Variants in SPAG16 observed in about 807,000 individuals in gnomAD.
SPAG16 encodes the protein sperm-associated antigen 16 protein.
A neutral mutation model predicts 80.4 loss-of-function variants in SPAG16; 86 were observed. The ratio of observed to expected loss-of-function variants is 1.07; its 90% CI spans 0.90 to 1.28. SPAG16 has a LOEUF of 1.28. Among genes scored for constraint, SPAG16 ranks in the 50% most tolerant of loss-of-function variants. The pLI is 0.00. For synonymous variants in SPAG16, 294 were observed against 265.9 expected, an observed-to-expected ratio of 1.11 and a Z score of -1.03; for missense variants, 870 against 765.3, an observed-to-expected ratio of 1.14 and a Z score of -1.61.
At chr2:214,166,972 TAA>T (rs953415880) in intron 15 of SPAG16, among the ~76,000 whole-genome samples, 1 of 152,112 alleles carries the variant, frequency 6.6e-6, no homozygotes, top group African/African-American at 2.4e-5. Flanking sequence ...CATCTAACAC[TAA>T]GTCTTACCCA....
At chr2:213,517,746 G>A (rs1415408209) in intron 10 of SPAG16, among the ~76,000 whole-genome samples, 3 of 152,110 alleles carry the variant, frequency 2.0e-5, no homozygotes, top group Non-Finnish European at 2.9e-5. Flanking sequence ...CAATCGGCCC[G>A]TTATATGGAG....
intron 9 of SPAG16, among the ~76,000 whole-genome samples, chr2:213,376,380 A>C (rs2066882949): frequency 6.6e-6 from 1 of 152,052 alleles, no homozygotes; most frequent in African/African-American, 2.4e-5. Context: ...AATATAGGAA[A>C]AGTACATTGC....
chr2:213,347,769 G>A (rs1223750830), intron 6 of SPAG16, among the ~76,000 whole-genome samples: 2 of 152,156 alleles, frequency 1.3e-5, no homozygotes, highest in African/African-American at 2.4e-5. Flanking sequence ...TATAATTTCT[G>A]TTCTTTTACA....
At chr2:214,339,428 T>A (rs1182743857) in intron 15 of SPAG16, among the ~76,000 whole-genome samples, 3 of 152,204 alleles carry the variant, frequency 2.0e-5, no homozygotes, top group Admixed American at 6.5e-5. Flanking sequence ...TTAGGCTGGA[T>A]GGGCCACCTG....
At chr2:214,161,263 A>G (rs898959496) in intron 15 of SPAG16, among the ~76,000 whole-genome samples, 2 of 152,152 alleles carry the variant, frequency 1.3e-5, no homozygotes, top group Non-Finnish European at 2.9e-5. Context: ...CAATGCATAT[A>G]TGTATATATG....
intron 15 of SPAG16, among the ~76,000 whole-genome samples, chr2:214,390,377 G>A (rs1469398559): frequency 6.8e-6 from 1 of 147,788 alleles, no homozygotes; most frequent in African/African-American, 2.5e-5. Flanking sequence ...TCACTCATGG[G>A]CTTTAATACC....
intron 14 of SPAG16, among the ~76,000 whole-genome samples, chr2:214,147,921 T>G (rs951534495): frequency 3.9e-5 from 6 of 152,040 alleles, no homozygotes; most frequent in Admixed American, 6.6e-5. Context: ...AAGGAGTAAG[T>G]GAGAAAATAT....
intron 15 of SPAG16, among the ~76,000 whole-genome samples, chr2:214,307,511 C>G (rs1484379199): frequency 3.3e-5 from 5 of 152,004 alleles, no homozygotes; most frequent in East Asian, 1.9e-4. Flanking sequence ...TTCTTTCTAA[C>G]TTTTTGATGT....
chr2:214,243,826 T>A (rs1421450648), intron 15 of SPAG16, among the ~76,000 whole-genome samples: 2 of 152,074 alleles, frequency 1.3e-5, no homozygotes, highest in African/African-American at 2.4e-5. Context: ...GAACAGAGCA[T>A]CTCCTTCTAC....
At chr2:213,860,110 C>T (rs1419618877) in intron 10 of SPAG16, among the ~76,000 whole-genome samples, 1 of 152,092 alleles carries the variant, frequency 6.6e-6, no homozygotes, top group African/African-American at 2.4e-5. Context: ...GCTTCCCTCC[C>T]ACAGGAGTGA....
At chr2:213,829,065 T>C (rs1161648000) in intron 10 of SPAG16, among the ~76,000 whole-genome samples, 1 of 152,084 alleles carries the variant, frequency 6.6e-6, no homozygotes, top group Non-Finnish European at 1.5e-5. Context: ...GGCCCTGGGC[T>C]CTAACAATCA....
At chr2:213,701,065 C>G (rs1265677655) in intron 10 of SPAG16, among the ~76,000 whole-genome samples, 2 of 152,040 alleles carry the variant, frequency 1.3e-5, no homozygotes, top group Non-Finnish European at 2.9e-5. Context: ...CATGGTGAAA[C>G]CCCATCTCTA....
chr2:214,133,129 T>A (rs377356418), intron 14 of SPAG16, among the ~76,000 whole-genome samples: 1 of 141,406 alleles, frequency 7.1e-6, no homozygotes, highest in Non-Finnish European at 1.5e-5. Flanking sequence ...TAAATAATAA[T>A]AAAAAAAAAA....
intron 13 of SPAG16, among the ~76,000 whole-genome samples, chr2:214,057,673 TCTC>T (rs1277986964): frequency 6.6e-6 from 1 of 152,134 alleles, no homozygotes; most frequent in African/African-American, 2.4e-5. Flanking sequence ...GACATCGACT[TCTC>T]CTCTCTAGCT....
intron 11 of SPAG16, among the ~76,000 whole-genome samples, chr2:213,906,165 T>G (rs1451683567): frequency 7.2e-6 from 1 of 137,968 alleles, no homozygotes; most frequent in Non-Finnish European, 1.6e-5. Flanking sequence ...ACATTCACCC[T>G]TAGCTCCTTG....
At chr2:213,798,029 T>C (rs935694947) in intron 10 of SPAG16, among the ~76,000 whole-genome samples, 2 of 152,352 alleles carry the variant, frequency 1.3e-5, no homozygotes, top group East Asian at 3.9e-4. Context: ...GGGCATGGCA[T>C]TGTGGCCATT....
At chr2:213,747,797 C>T (rs537001888) in intron 10 of SPAG16, among the ~76,000 whole-genome samples, 9 of 152,262 alleles carry the variant, frequency 5.9e-5, no homozygotes, top group East Asian at 1.9e-4. Context: ...AATACATCAC[C>T]GTCTTTAAGG....
At chr2:213,461,636 G>A (rs554971446) in intron 9 of SPAG16, among the ~76,000 whole-genome samples, 1 of 152,264 alleles carries the variant, frequency 6.6e-6, no homozygotes, top group Non-Finnish European at 1.5e-5. Flanking sequence ...TAGAATAATG[G>A]CACATTTCAG....
chr2:213,610,456 G>T (rs2061406654), intron 10 of SPAG16, among the ~76,000 whole-genome samples: 2 of 152,252 alleles, frequency 1.3e-5, no homozygotes, highest in African/African-American at 2.4e-5. Context: ...TACATAACCA[G>T]ACCACTTTTG....
Sources: gnomAD v4.1 joint callset for allele counts (sites outside exome capture counted in the v4.1 genomes callset) on GRCh38, gnomAD v4.1.1 for gene constraint, MANE v1.5 for transcripts, NCBI Gene and HGNC (gene_info 2026-07-23, HGNC 2026-07-21) for gene names.